The following GCH1 variants were observed in gnomAD, a reference collection of about 807,000 sequenced individuals.
GCH1 encodes GTP cyclohydrolase I.
In GCH1, 5 loss-of-function variants were observed where a neutral mutation model predicts 25.9. The ratio of observed to expected loss-of-function variants is 0.19; its 90% CI spans 0.10 to 0.41. GCH1 has a LOEUF of 0.41. GCH1 is among the 10% of genes least tolerant of loss of function. GCH1 has a pLI of 1.00. For missense variants in GCH1, 261 were observed against 336.5 expected, an observed-to-expected ratio of 0.78 and a Z score of 1.75; for synonymous variants, 159 against 129.6, an observed-to-expected ratio of 1.23 and a Z score of -1.54.
intron 1 of GCH1, among the ~76,000 whole-genome samples, chr14:54,868,980 C>T (rs1165056000): frequency 2.0e-5 from 3 of 152,034 alleles, no homozygotes; most frequent in Admixed American, 2.0e-4. Flanking sequence ...CTCAAGCCAT[C>T]CTCCCACCTT....
intron 1 of GCH1, among the ~76,000 whole-genome samples, chr14:54,868,246 TC>T (rs755964425): frequency 1.2e-4 from 18 of 152,000 alleles, no homozygotes; most frequent in Admixed American, 5.2e-4. Flanking sequence ...ATATCCCATC[TC>T]CACAAAAAAT....
chr14:54,880,936 T>C (rs1221086911), intron 1 of GCH1, among the ~76,000 whole-genome samples: 2 of 149,996 alleles, frequency 1.3e-5, no homozygotes, highest in Non-Finnish European at 2.9e-5. Context: ...GCGATTCTCC[T>C]GCCTCAGCCT....
In GCH1 at chr14:54,902,825, C is replaced by A; in HGVS notation, c.-162G>T. ...ACTCCGAGCCGGGAGCGGCCACAGG[C>A]TGGAAAGCCCGGCCGCGCCTCCTTT... On this transcript the variant is annotated 5_prime_UTR_variant, in exon 1 of 6. Transcript: ENST00000491895. 2.1e-6 allele frequency: 2 copies of A among 962,598 alleles called. No homozygotes were observed. The highest frequency in any genetic ancestry group is 2.7e-6 in the Non-Finnish European group (2 of 734,810). 59.6% of individuals were successfully genotyped at this position (962,598 alleles called of 1,614,324 possible).
At chr14:54,850,677 G>C (rs2039715791) in intron 3 of GCH1, among the ~76,000 whole-genome samples, 1 of 152,052 alleles carries the variant, frequency 6.6e-6, no homozygotes, top group Non-Finnish European at 1.5e-5. Context: ...CCTACCCTGT[G>C]TCCAAGTGTT....
At chr14:54,901,370 T>A (rs1331998660) in intron 1 of GCH1, among the ~76,000 whole-genome samples, 1 of 152,242 alleles carries the variant, frequency 6.6e-6, no homozygotes, top group Non-Finnish European at 1.5e-5. Context: ...AGCTTTATTT[T>A]TTTAAACACA....
At chr14:54,859,030 C>T (rs137968814) in intron 3 of GCH1, among the ~76,000 whole-genome samples, 249 of 152,312 alleles carry the variant, frequency 1.6e-3, no homozygotes, top group African/African-American at 5.8e-3. Context: ...AGCGTGAACA[C>T]TGTATCAGAA....
intron 3 of GCH1, among the ~76,000 whole-genome samples, chr14:54,858,472 G>C (rs1263886074): frequency 6.6e-6 from 1 of 152,018 alleles, no homozygotes; most frequent in East Asian, 1.9e-4. Flanking sequence ...TTTTAGTAGA[G>C]ATGGGGTTTC....
At chr14:54,883,438 G>T (rs968374902) in intron 1 of GCH1, among the ~76,000 whole-genome samples, 18 of 149,914 alleles carry the variant, frequency 1.2e-4, no homozygotes, top group Non-Finnish European at 2.2e-4. Context: ...CCAGCACTTT[G>T]GGAGGCCGAG....
intron 1 of GCH1, among the ~76,000 whole-genome samples, chr14:54,865,789 CT>C (rs2039982194): frequency 6.6e-6 from 1 of 152,168 alleles, no homozygotes; most frequent in African/African-American, 2.4e-5. Context: ...CTTACATTTT[CT>C]TCTACTTTAT....
chr14:54,859,309 C>G (rs2039860457), intron 3 of GCH1: 1 of 280,930 alleles, frequency 3.6e-6, no homozygotes, highest in African/African-American at 2.2e-5. Context: ...AGCACTGCAG[C>G]TAGACCCCTG....
chr14:54,851,795 C>T (rs1229736868), intron 3 of GCH1, among the ~76,000 whole-genome samples: 1 of 152,186 alleles, frequency 6.6e-6, no homozygotes, highest in African/African-American at 2.4e-5. Context: ...CTAGTTCAAC[C>T]ATTGTGGAAG....
At chr14:54,872,924 G>A (rs1249006155) in intron 1 of GCH1, among the ~76,000 whole-genome samples, 1 of 151,442 alleles carries the variant, frequency 6.6e-6, no homozygotes, top group Admixed American at 6.6e-5. Flanking sequence ...ACACCCCACT[G>A]TCAACATTAG....
At chr14:54,897,374 C>T (rs139023357) in intron 1 of GCH1, among the ~76,000 whole-genome samples, 2,004 of 151,346 alleles carry the variant, frequency 0.013, 58 homozygotes, top group African/African-American at 0.046. Context: ...CTGCAATTTC[C>T]GCCTCCTGGG....
chr14:54,862,858 A>C (rs1317621775), intron 2 of GCH1, among the ~76,000 whole-genome samples: 1 of 152,090 alleles, frequency 6.6e-6, no homozygotes, highest in Non-Finnish European at 1.5e-5. Context: ...CAAATCTGGA[A>C]GGTGGGGCAC....
intron 2 of GCH1, among the ~76,000 whole-genome samples, chr14:54,863,484 T>A: frequency 1.2e-5 from 1 of 83,488 alleles, no homozygotes; most frequent in Non-Finnish European, 2.4e-5. Flanking sequence ...TTGACAGCAG[T>A]ATTGTTTGTA....
intron 1 of GCH1, among the ~76,000 whole-genome samples, chr14:54,882,709 C>T (rs1334167352): frequency 1.3e-5 from 2 of 152,084 alleles, no homozygotes; most frequent in African/African-American, 4.8e-5. Flanking sequence ...TATCCATTTG[C>T]TTCAAAAGCC....
In GCH1 at chr14:54,867,589, C is replaced by CAAAAAAAA. The variant is rs1029899399; in HGVS notation, c.344-2161_344-2154dup. ...GGCAAGAGAGAACAAGACTCCGTCT[C>CAAAAAAAA]AAAAAAAAAAAAAAAAAAAAAAAAA... On this transcript the variant is annotated intron_variant, in intron 1 of 5. Coordinates refer to ENST00000491895, the MANE Select transcript of GCH1 (RefSeq NM_000161.3). 8.6e-3 allele frequency among the ~76,000 whole-genome samples: 399 copies of CAAAAAAAA among 46,604 alleles called. 38 individuals carry two copies. Among genetic ancestry groups the CAAAAAAAA allele is most frequent in the African/African-American group, 0.025 (303 of 12,228 alleles). 30.6% of individuals were successfully genotyped at this position (46,604 alleles called of 152,430 possible). A position where few individuals can be genotyped will look rare whatever the true frequency, so the allele number is the denominator to read the frequency against.
In GCH1 at chr14:54,868,546, G is replaced by A. The variant is rs184361565; in HGVS notation, c.344-3110C>T. Reference sequence around the variant, plus strand: ...GACAATGAAAATCTGAATAAAGTCTGTAGTTTAAATAATAGTATTGTACCA... The same window carrying A: ...GACAATGAAAATCTGAATAAAGTCTATAGTTTAAATAATAGTATTGTACCA... On this transcript the variant is annotated intron_variant, in intron 1 of 5. Transcript: ENST00000491895. Among the ~76,000 whole-genome samples, 1,095 of 152,290 alleles carry A rather than the reference G, an allele frequency of 7.2e-3. 14 individuals carry two copies. Among genetic ancestry groups the A allele is most frequent in the African/African-American group, 0.024 (1,010 of 41,560 alleles).
intron 1 of GCH1, among the ~76,000 whole-genome samples, chr14:54,866,981 C>A (rs780362468): frequency 6.6e-6 from 1 of 152,160 alleles, no homozygotes; most frequent in Non-Finnish European, 1.5e-5. Flanking sequence ...TCTGCCCTAC[C>A]TTCAGTCTTA....
Sources: gnomAD v4.1 joint callset for allele counts (sites outside exome capture counted in the v4.1 genomes callset) on GRCh38, gnomAD v4.1.1 for gene constraint, MANE v1.5 for transcripts, NCBI Gene and HGNC (gene_info 2026-07-23, HGNC 2026-07-21) for gene names.